Variants in MYB observed in about 807,000 individuals in gnomAD.
MYB encodes the protein MYB proto-oncogene, transcription factor.
Under a neutral mutation model 92.9 loss-of-function variants are expected in MYB, and 28 were observed. The observed-to-expected ratio is 0.30, with a 90% CI of 0.22 to 0.41. The LOEUF is 0.41. Ranked by LOEUF, MYB falls within the 10% of genes least tolerant of loss-of-function variation. MYB has a pLI of 1.00. For synonymous variants in MYB, 295 were observed against 329.1 expected (o/e 0.90, Z 1.12); for missense variants, 679 against 929.3 (o/e 0.73, Z 3.50).
intron 5 of MYB, among the ~76,000 whole-genome samples, chr6:135,191,693 T>G (rs184351009): frequency 5.9e-5 from 9 of 152,310 alleles, no homozygotes; most frequent in African/African-American, 2.2e-4. Context: ...ATGGAAAGAC[T>G]TTAGTAAAAA....
intron 5 of MYB, among the ~76,000 whole-genome samples, chr6:135,191,299 A>G (rs1430707650): frequency 6.6e-6 from 1 of 152,220 alleles, no homozygotes; most frequent in Non-Finnish European, 1.5e-5. Context: ...TTTCCCACTT[A>G]AGTAGTATAT....
At position 135,195,750 on chromosome 6, in the gene MYB, A is replaced by G. The variant is rs1028031034; in HGVS notation, c.951A>G (p.Thr317=). The change falls in exon 9 of 16, where the codon ACA becomes ACG. Residue 317 remains threonine, a splice_region_variant and synonymous_variant. Transcript: ENST00000341911. ...CTACACCCTTCCCCCTTCCTTAGACACAGAACCACACATGCAGCTACCCCG... is the reference window on the plus strand; with the variant it reads ...CTACACCCTTCCCCCTTCCTTAGACGCAGAACCACACATGCAGCTACCCCG... ...NELKGQQVLP[T]QNHTCSYPGW... is the part of the protein sequence containing the mutation. The G allele has an allele frequency of 6.2e-7, 1 of 1,613,720 alleles. No individual in the cohort carries two copies. The highest frequency in any genetic ancestry group is 8.5e-7 in the Non-Finnish European group (1 of 1,179,866).
intron 9 of MYB, 89 bp from the exon 10 acceptor site, chr6:135,196,872 C>T: frequency 1.3e-6 from 2 of 1,584,994 alleles, no homozygotes; most frequent in Non-Finnish European, 1.7e-6. Flanking sequence ...CTAGTGTTTG[C>T]TTTGCGTTGA....
At chr6:135,211,958 A>G (rs1438390557) in intron 15 of MYB, among the ~76,000 whole-genome samples, 2 of 152,206 alleles carry the variant, frequency 1.3e-5, no homozygotes, top group Non-Finnish European at 2.9e-5. Flanking sequence ...ATTTCAGTTT[A>G]AGCTTATCTC....
At chr6:135,204,391 C>G (rs1778575695) in intron 15 of MYB, among the ~76,000 whole-genome samples, 1 of 152,212 alleles carries the variant, frequency 6.6e-6, no homozygotes, top group South Asian at 2.1e-4. Context: ...CTCCGCCTCC[C>G]AGATTCAAGT....
intron 11 of MYB, chr6:135,199,716 A>G (rs979495810): frequency 6.7e-6 from 2 of 298,936 alleles, no homozygotes; most frequent in Non-Finnish European, 1.1e-5. Flanking sequence ...AAAGTTTAAC[A>G]TGTTTTGTAG....
chr6:135,202,993 A>G (rs1778345865), intron 14 of MYB: 2 of 701,292 alleles, frequency 2.9e-6, no homozygotes, highest in East Asian at 5.3e-5. Flanking sequence ...TGGGATCCCA[A>G]AGGAGCTTTG....
rs1319407968 is a variant in MYB at position 135,189,114 on chromosome 6, G to A, written c.214-677G>A. ...CCTTTATGTCACCAATTAAAGTTCT[G>A]TCCATCCTTCAAAGTCCTTATGAAG... is the stretch of plus-strand genomic sequence containing the variant. On this transcript the variant is annotated intron_variant, in intron 3 of 15. Transcript: ENST00000341911. 2.0e-5 allele frequency among the ~76,000 whole-genome samples: 3 copies of A among 152,028 alleles called. No individual in the cohort carries two copies. The East Asian group carries it at 5.8e-4, about 29-fold the overall frequency.
intron 13 of MYB, 127 bp from the exon 14 acceptor site, chr6:135,201,512 C>T (rs1157399995): frequency 1.9e-6 from 1 of 523,482 alleles, no homozygotes; most frequent in Non-Finnish European, 3.3e-6. Context: ...GCAAATTGAG[C>T]TGATAGTGTA....
intron 1 of MYB, among the ~76,000 whole-genome samples, chr6:135,183,290 C>G (rs1268071119): frequency 6.6e-6 from 1 of 152,104 alleles, no homozygotes; most frequent in Non-Finnish European, 1.5e-5. Flanking sequence ...ATTATATTAA[C>G]CAGGTCAGCG....
chr6:135,189,701 A>T, intron 3 of MYB, 90 bp from the exon 4 acceptor site: 1 of 983,536 alleles, frequency 1.0e-6, no homozygotes, highest in Non-Finnish European at 1.6e-6. Context: ...TTTTCACTGC[A>T]TATGGTCTAT....
At chr6:135,198,451 A>G (rs1777630815) in intron 10 of MYB, among the ~76,000 whole-genome samples, 1 of 152,238 alleles carries the variant, frequency 6.6e-6, no homozygotes, top group African/African-American at 2.4e-5. Context: ...TCTGAGAGAC[A>G]CAGTTTATTA....
In MYB at chr6:135,181,970, T is replaced by C. The variant is rs1775122288; in HGVS notation, c.23+434T>C. On this transcript the variant is annotated intron_variant, in intron 1 of 15. Transcript: ENST00000341911. This position sits in a 1 kb window ranked among gnomAD's most constrained non-coding sequence, Gnocchi z 5.3. ...TTGGAAGTGCAGAGCATATGGCAGATACAGGGAAAATGCTGGATTGTTTAG... is the reference window on the plus strand; with the variant it reads ...TTGGAAGTGCAGAGCATATGGCAGACACAGGGAAAATGCTGGATTGTTTAG... Among the ~76,000 whole-genome samples, 1 of 152,194 alleles carries C rather than the reference T, an allele frequency of 6.6e-6. No homozygotes were observed. The highest frequency in any genetic ancestry group is 6.5e-5 in the Admixed American group (1 of 15,286).
chr6:135,187,186 C>G (rs1054182338), intron 2 of MYB, among the ~76,000 whole-genome samples: 7 of 152,168 alleles, frequency 4.6e-5, no homozygotes, highest in African/African-American at 1.7e-4. Context: ...ACTAAAAGAA[C>G]TGATTAGCTG....
At chr6:135,209,364 G>T (rs192079340) in intron 15 of MYB, among the ~76,000 whole-genome samples, 2 of 152,194 alleles carry the variant, frequency 1.3e-5, no homozygotes, top group Non-Finnish European at 2.9e-5. Context: ...TTCCCAAGTA[G>T]TTGGGATTAC....
chr6:135,185,368 A>G (rs1383895803), intron 1 of MYB, among the ~76,000 whole-genome samples: 4 of 152,196 alleles, frequency 2.6e-5, no homozygotes, highest in African/African-American at 9.6e-5. Flanking sequence ...TCTAGACTTT[A>G]TGGGATCACT....
intron 2 of MYB, among the ~76,000 whole-genome samples, chr6:135,186,724 C>CT (rs1280007699): frequency 1.3e-5 from 2 of 152,192 alleles, no homozygotes; most frequent in Non-Finnish European, 2.9e-5. Context: ...GACACATCTG[C>CT]TTCTCCTGTT....
chr6:135,202,261 TA>T (rs1778210039), intron 14 of MYB, among the ~76,000 whole-genome samples: 1 of 152,252 alleles, frequency 6.6e-6, no homozygotes, highest in Non-Finnish European at 1.5e-5. Flanking sequence ...TAACAGCTGC[TA>T]AGATTTATTT....
At chr6:135,188,960 T>A (rs940236918) in intron 3 of MYB, among the ~76,000 whole-genome samples, 2 of 152,202 alleles carry the variant, frequency 1.3e-5, no homozygotes, top group Non-Finnish European at 2.9e-5. Flanking sequence ...GGCCCTCCTC[T>A]ATTGCCCCAA....
Sources: gnomAD v4.1 joint callset for allele counts (sites outside exome capture counted in the v4.1 genomes callset) on GRCh38, gnomAD v4.1.1 for gene constraint, Gnocchi (gnomAD v3.1) non-coding constraint, MANE v1.5 for transcripts, NCBI Gene and HGNC (gene_info 2026-07-23, HGNC 2026-07-21) for gene names.